The following MACF1 variants were observed in gnomAD, a reference collection of about 807,000 sequenced individuals.
The protein encoded by MACF1 is microtubule actin crosslinking factor 1.
In MACF1, 193 loss-of-function variants were observed where a neutral mutation model predicts 854.8. That is an observed-to-expected ratio of 0.23 (90% CI 0.20 to 0.25). The LOEUF is 0.25. Ranked by LOEUF, MACF1 falls within the 10% of genes least tolerant of loss-of-function variation. The pLI is 1.00. For synonymous variants in MACF1, 3,185 were observed against 3,226.7 expected (o/e 0.99, Z 0.44); for missense variants, 7,722 against 8,929.1 (o/e 0.86, Z 5.45).
chr1:39,337,458 T>G, intron 38 of MACF1, 127 bp downstream of exon 38: 1 of 855,484 alleles, frequency 1.2e-6, no homozygotes. Context: ...CTCAGACCCT[T>G]GTCAGATAAT....
chr1:39,371,188 A>G (rs917862410), intron 51 of MACF1, among the ~76,000 whole-genome samples: 2 of 151,972 alleles, frequency 1.3e-5, no homozygotes, highest in Non-Finnish European at 2.9e-5. Context: ...ACGTGGTGGC[A>G]GGTGCCTGTA....
At chr1:39,253,580 C>T (rs1645066221) in intron 4 of MACF1, among the ~76,000 whole-genome samples, 1 of 125,370 alleles carries the variant, frequency 8.0e-6, no homozygotes, top group Non-Finnish European at 1.6e-5. Flanking sequence ...GTGGCATGAT[C>T]TTGGCTCACT....
chr1:39,254,752 A>AG, intron 5 of MACF1: 1 of 236,316 alleles, frequency 4.2e-6, no homozygotes, highest in Non-Finnish European at 8.4e-6. Flanking sequence ...AAATGAGATA[A>AG]GGGGGTAGTG....
intron 95 of MACF1, among the ~76,000 whole-genome samples, chr1:39,466,616 T>C (rs1644673778): frequency 6.6e-6 from 1 of 152,166 alleles, no homozygotes; most frequent in Admixed American, 6.5e-5. Flanking sequence ...AGAGCACTGC[T>C]CTTGGGTGGA....
chr1:39,315,840 A>G (rs1204858775), intron 27 of MACF1, 149 bp downstream of exon 27: 1 of 687,746 alleles, frequency 1.5e-6, no homozygotes, highest in Non-Finnish European at 2.3e-6. Flanking sequence ...TTCAGTTCCT[A>G]GTAACATTAA....
At chr1:39,301,779 A>C (rs1646048885) in intron 22 of MACF1, among the ~76,000 whole-genome samples, 1 of 151,832 alleles carries the variant, frequency 6.6e-6, no homozygotes, top group Non-Finnish European at 1.5e-5. Flanking sequence ...ATCTTATAAT[A>C]ATTACTCATT....
chr1:39,314,569 T>TCACACACA (rs58459573), intron 26 of MACF1, among the ~76,000 whole-genome samples: 109 of 65,354 alleles, frequency 1.7e-3, no homozygotes, highest in South Asian at 2.6e-3. Flanking sequence ...TCTCTCTCTC[T>TCACACACA]CACACACACA....
rs148534163 is a variant in MACF1, at chr1:39,333,368, C to T, written c.6780C>T (p.Thr2260=). 6.8e-5 allele frequency: 110 copies of T among 1,613,786 alleles called. 1 individual carries two copies. The highest frequency in any genetic ancestry group is 8.2e-5 in the Non-Finnish European group (97 of 1,179,968). ...AGGSMMMSEK[T]DEEDSGREIF... ...GTAGTATGATGATGTCAGAAAAGACCGATGAGGAAGATAGTGGCAGGGAAA... is the reference window on the plus strand; with the variant it reads ...GTAGTATGATGATGTCAGAAAAGACTGATGAGGAAGATAGTGGCAGGGAAA... Residue 2260 remains threonine (T), a synonymous_variant, in exon 37 of 101, where the codon ACC becomes ACT. Coordinates refer to ENST00000564288, the MANE Select transcript of MACF1 (RefSeq NM_001394062.1).
chr1:39,354,119 A>G (rs146674040), intron 44 of MACF1, among the ~76,000 whole-genome samples: 1 of 152,242 alleles, frequency 6.6e-6, no homozygotes, highest in Non-Finnish European at 1.5e-5. Flanking sequence ...ATTTGGCCTT[A>G]TCTGTCACCT....
At chr1:39,223,314 A>G (rs972892518) in intron 1 of MACF1, among the ~76,000 whole-genome samples, 1 of 152,212 alleles carries the variant, frequency 6.6e-6, no homozygotes. Flanking sequence ...TTTGACTGTT[A>G]TCCCAAATGG....
intron 6 of MACF1, among the ~76,000 whole-genome samples, chr1:39,262,541 A>G (rs1459313566): frequency 6.6e-6 from 1 of 152,014 alleles, no homozygotes; most frequent in Non-Finnish European, 1.5e-5. Flanking sequence ...AGAGAATGAG[A>G]GAGGTATGGG....
At position 39,447,594 on chromosome 1, in the gene MACF1, A is replaced by G; in HGVS notation, c.19761+7A>G. 6.2e-7 allele frequency: 1 copy of G among 1,614,076 alleles called. No homozygotes were observed. The highest frequency in any genetic ancestry group is 8.5e-7 in the Non-Finnish European group (1 of 1,179,940). ...CCAGATAGAAGAGCACAAGGTAAGTATGATATTATGATGCTGCATTCTTTT... is the reference window on the plus strand; with the variant it reads ...CCAGATAGAAGAGCACAAGGTAAGTGTGATATTATGATGCTGCATTCTTTT... On this transcript the variant is annotated splice_region_variant and intron_variant, in intron 81 of 100. Coordinates refer to ENST00000564288, the MANE Select transcript of MACF1 (RefSeq NM_001394062.1).
At chr1:39,483,505 G>A (rs1645053331) in intron 99 of MACF1, among the ~76,000 whole-genome samples, 1 of 152,182 alleles carries the variant, frequency 6.6e-6, no homozygotes, top group Admixed American at 6.5e-5. Flanking sequence ...ACAGCAAGGG[G>A]ACAAGACTGG....
At chr1:39,418,338 C>G (rs917333788) in intron 58 of MACF1, among the ~76,000 whole-genome samples, 4 of 152,092 alleles carry the variant, frequency 2.6e-5, no homozygotes, top group African/African-American at 9.7e-5. Flanking sequence ...CAGTTGGATA[C>G]GTAGCTTTGA....
chr1:39,355,913 T>C (rs1647521878), intron 44 of MACF1, among the ~76,000 whole-genome samples: 1 of 152,176 alleles, frequency 6.6e-6, no homozygotes, highest in African/African-American at 2.4e-5. Flanking sequence ...TTGCTCAGGC[T>C]GGTCTCAAAA....
chr1:39,178,515 G>A (rs535253627), intron 2 of MACF1, among the ~76,000 whole-genome samples: 1 of 152,240 alleles, frequency 6.6e-6, no homozygotes, highest in East Asian at 1.9e-4. Flanking sequence ...ACCCCAGTGG[G>A]GCACATAGTT....
intron 1 of MACF1, among the ~76,000 whole-genome samples, chr1:39,216,752 A>G (rs980844818): frequency 1.3e-5 from 2 of 152,110 alleles, no homozygotes; most frequent in Non-Finnish European, 1.5e-5. Flanking sequence ...CCTATATCTA[A>G]AAGTGCTTGG....
chr1:39,231,383 T>C, intron 2 of MACF1, 140 bp downstream of exon 2: 1 of 759,042 alleles, frequency 1.3e-6, no homozygotes, highest in Non-Finnish European at 2.2e-6. Context: ...TTCTTTTCTC[T>C]TCTTTTCTTT....
At chr1:39,107,954 G>A (rs1217694606) in intron 2 of MACF1, among the ~76,000 whole-genome samples, 2 of 152,104 alleles carry the variant, frequency 1.3e-5, no homozygotes, top group Non-Finnish European at 2.9e-5. Context: ...GGGCAGTAAT[G>A]TATTTGGAGT....
Sources: gnomAD v4.1 joint callset for allele counts (sites outside exome capture counted in the v4.1 genomes callset) on GRCh38, gnomAD v4.1.1 for gene constraint, MANE v1.5 for transcripts, NCBI Gene and HGNC (gene_info 2026-07-23, HGNC 2026-07-21) for gene names.